ZWILCH: variants seen among roughly 807,000 people sequenced by gnomAD.
The protein encoded by ZWILCH is protein zwilch homolog.
Under a neutral mutation model 79.9 loss-of-function variants are expected in ZWILCH, and 74 were observed. That is an observed-to-expected ratio of 0.93 (90% confidence interval 0.77 to 1.12). ZWILCH has a LOEUF of 1.12. Ranked by LOEUF, ZWILCH falls within the 50% of genes most tolerant of loss-of-function variation. ZWILCH has a pLI of 0.00. For synonymous variants in ZWILCH, 241 were observed against 228.2 expected (o/e 1.06, Z -0.51); for missense variants, 694 against 687.5 (o/e 1.01, Z -0.11).
chr15:66,536,134 A>G, intron 15 of ZWILCH, 65 bp downstream of exon 15: 1 of 1,399,338 alleles, frequency 7.1e-7, no homozygotes, highest in South Asian at 1.4e-5. Context: ...TACAGCCTAA[A>G]TATGTACAGT....
intron 3 of ZWILCH, 57 bp from the exon 4 acceptor site, chr15:66,515,469 C>A: frequency 9.7e-7 from 1 of 1,031,822 alleles, no homozygotes; most frequent in Non-Finnish European, 1.5e-6. Flanking sequence ...AGTAAAGAGT[C>A]AGCTGCTATC....
At chr15:66,541,313 C>T (rs189062193) in intron 17 of ZWILCH, among the ~76,000 whole-genome samples, 34 of 152,094 alleles carry the variant, frequency 2.2e-4, no homozygotes, top group African/African-American at 6.0e-4. Flanking sequence ...CACACGCACA[C>T]GCACACACAA....
intron 2 of ZWILCH, among the ~76,000 whole-genome samples, chr15:66,510,396 A>G (rs1370017280): frequency 6.7e-6 from 1 of 149,564 alleles, no homozygotes; most frequent in Non-Finnish European, 1.5e-5. Context: ...AAAAAAAAAA[A>G]AAATATCAAT....
At chr15:66,529,446 T>C in intron 11 of ZWILCH, 48 bp from the exon 12 acceptor site, 1 of 1,298,020 alleles carries the variant, frequency 7.7e-7, no homozygotes, top group Non-Finnish European at 1.1e-6. Flanking sequence ...ATATATTTGA[T>C]CTGTAGAAAT....
At chr15:66,519,893 G>C (rs1235882096) in intron 5 of ZWILCH, among the ~76,000 whole-genome samples, 1 of 152,140 alleles carries the variant, frequency 6.6e-6, no homozygotes, top group Non-Finnish European at 1.5e-5. Flanking sequence ...AAACTCCTGG[G>C]CTCAAGTGAT....
chr15:66,549,429 A>G lies in ZWILCH; in HGVS notation c.*1105A>G, dbSNP rs1251699371. 2 of 152,240 alleles carry G rather than the reference A, an allele frequency of 1.3e-5. No homozygotes were observed. The highest frequency in any genetic ancestry group is 2.9e-5 in the Non-Finnish European group (2 of 68,034). 9.4% of individuals were successfully genotyped at this position (152,240 alleles called of 1,614,324 possible). On this transcript the variant is annotated 3_prime_UTR_variant, in exon 19 of 19. Coordinates refer to ENST00000307897, the MANE Select transcript of ZWILCH (RefSeq NM_017975.5). The stretch of plus-strand genomic sequence containing the variant: ...TAAAGATGAGCTTGTTAAAAAGGAA[A>G]GCATATTTCTCTGATTGCCCTTATG...
chr15:66,542,155 A>G (rs34273986), intron 17 of ZWILCH, among the ~76,000 whole-genome samples: 8,560 of 152,308 alleles, frequency 0.056, 339 homozygotes, highest in Middle Eastern at 0.11. Flanking sequence ...CTAGGAAAAG[A>G]AATTTGTAGC....
intron 1 of ZWILCH, among the ~76,000 whole-genome samples, chr15:66,506,540 G>A (rs1893826310): frequency 6.6e-6 from 1 of 152,108 alleles, no homozygotes; most frequent in Non-Finnish European, 1.5e-5. Flanking sequence ...ATGGTGGCGG[G>A]CACCTGTAAT....
intron 4 of ZWILCH, among the ~76,000 whole-genome samples, chr15:66,518,283 CG>C (rs1894361350): frequency 7.2e-6 from 1 of 139,798 alleles, no homozygotes; most frequent in Non-Finnish European, 1.5e-5. Flanking sequence ...TGAGACCTCT[CG>C]TGTCTTTTTT....
chr15:66,531,705 C>T (rs978656873), intron 12 of ZWILCH, among the ~76,000 whole-genome samples: 4 of 151,676 alleles, frequency 2.6e-5, no homozygotes, highest in African/African-American at 4.8e-5. Context: ...GATCTACCCT[C>T]GTCAGCCTCC....
At chr15:66,526,492 C>G (rs1055808750) in intron 8 of ZWILCH, among the ~76,000 whole-genome samples, 7 of 151,198 alleles carry the variant, frequency 4.6e-5, no homozygotes, top group Admixed American at 6.6e-5. Context: ...TTGAGTCTTG[C>G]TCTGTCGCCC....
At chr15:66,539,994 C>A in intron 16 of ZWILCH, 104 bp from the exon 17 acceptor site, 1 of 683,476 alleles carries the variant, frequency 1.5e-6, no homozygotes. Context: ...ACCTCTTTGT[C>A]CTCAGTGCTT....
In ZWILCH at chr15:66,518,861, C is replaced by T. The variant is rs530560284; in HGVS notation, c.321-18C>T. 2 of 1,607,688 alleles carry T rather than the reference C, an allele frequency of 1.2e-6. No homozygotes were observed. Among genetic ancestry groups the T allele is most frequent in the South Asian group, 2.2e-5 (2 of 90,860 alleles). On this transcript the variant is annotated intron_variant, in intron 4 of 18. Transcript: ENST00000307897. ...TGGAAATCTCTATCTATAATTTGTC[C>T]TTACTCTTGTTTTAAAGGCAGTTAA...
At chr15:66,540,468 G>T (rs1054018430) in intron 17 of ZWILCH, among the ~76,000 whole-genome samples, 2 of 152,002 alleles carry the variant, frequency 1.3e-5, no homozygotes, top group Admixed American at 6.6e-5. Flanking sequence ...CACAAGAATT[G>T]CTTGAACCCT....
At chr15:66,543,060 A>C (rs527242271) in intron 17 of ZWILCH, among the ~76,000 whole-genome samples, 81 of 152,146 alleles carry the variant, frequency 5.3e-4, no homozygotes, top group African/African-American at 1.9e-3. Flanking sequence ...ATAGCTGGGC[A>C]TGGTGACATG....
At chr15:66,521,932 G>T (rs990727538) in intron 7 of ZWILCH, among the ~76,000 whole-genome samples, 6 of 152,148 alleles carry the variant, frequency 3.9e-5, no homozygotes, top group Non-Finnish European at 7.4e-5. Context: ...GGGCGCAGTG[G>T]CTCATGCCTA....
At chr15:66,505,522 T>C in intron 1 of ZWILCH, 131 bp downstream of exon 1, 1 of 1,117,140 alleles carries the variant, frequency 9.0e-7, no homozygotes, top group Non-Finnish European at 1.3e-6. Context: ...GGTCCAGGAG[T>C]TGGGGAGAGG....
At position 66,540,130 on chromosome 15, in the gene ZWILCH, A is replaced by G; in HGVS notation, c.1607A>G (p.Tyr536Cys). The stretch of plus-strand genomic sequence containing the variant: ...CCACAGAAATGGAGAGTGGAAATAT[A>G]TAGTGGTCAAAAGAAGATTAAGACA... ...EKPQKWRVEIYSGQKKIKTVW... is the reference protein window; with the variant it reads ...EKPQKWRVEICSGQKKIKTVW... Residue 536 changes from tyrosine (Y) to cysteine (C), a missense_variant, in exon 17 of 19, where the codon TAT (tyrosine) becomes TGT (cysteine). Coordinates refer to ENST00000307897, the MANE Select transcript of ZWILCH (RefSeq NM_017975.5). The G allele has an allele frequency of 6.2e-7, 1 of 1,613,188 alleles. No homozygotes were observed. Among genetic ancestry groups the G allele is most frequent in the Non-Finnish European group, 8.5e-7 (1 of 1,179,664 alleles).
At position 66,519,097 on chromosome 15, in the gene ZWILCH, G is replaced by A. The variant is rs189025970; in HGVS notation, c.520+19G>A. On this transcript the variant is annotated intron_variant, in intron 5 of 18. Coordinates refer to ENST00000307897, the MANE Select transcript of ZWILCH (RefSeq NM_017975.5). ...TGTAAAGGTGAGTGCTCTCTCTAGA[G>A]AGTGTGTGTGTGTATTTATTCATTT... The A allele has an allele frequency of 6.2e-7, 1 of 1,604,402 alleles. No homozygotes were observed.
Sources: allele counts gnomAD v4.1 joint callset (sites outside exome capture counted in the v4.1 genomes callset), GRCh38; gene constraint gnomAD v4.1.1; transcripts MANE v1.5; gene names NCBI Gene and HGNC (gene_info 2026-07-23, HGNC 2026-07-21).